PDE11A: variants seen among roughly 807,000 people sequenced by gnomAD.
PDE11A encodes the protein phosphodiesterase 11A, also known as dual 3',5'-cyclic-AMP and -GMP phosphodiesterase 11A.
PDE11A carries 100 observed loss-of-function variants against 100.5 expected under a neutral mutation model. That is an observed-to-expected ratio of 1.00 (90% CI 0.85 to 1.18). The LOEUF (loss-of-function observed/expected upper bound fraction) is 1.18, where lower values mean the gene tolerates loss of function less well. PDE11A is among the 50% of genes most tolerant of loss of function. The pLI is 0.00. For synonymous variants in PDE11A, 381 were observed against 420.8 expected, an observed-to-expected ratio of 0.91 and a Z score of 1.16; for missense variants, 1,141 against 1,152.6, an observed-to-expected ratio of 0.99 and a Z score of 0.15.
intron 6 of PDE11A, among the ~76,000 whole-genome samples, chr2:177,827,181 A>C (rs1312547535): frequency 1.3e-5 from 2 of 152,248 alleles, no homozygotes; most frequent in Non-Finnish European, 2.9e-5. Context: ...AGGATAAGTA[A>C]TATTGAGTTG....
At chr2:178,067,160 G>C (rs1177395137) in intron 1 of PDE11A, among the ~76,000 whole-genome samples, 1 of 152,060 alleles carries the variant, frequency 6.6e-6, no homozygotes, top group Non-Finnish European at 1.5e-5. Context: ...GTTCATGCTT[G>C]AGTTTAATTG....
At chr2:178,003,534 C>T (rs1052090610) in intron 2 of PDE11A, among the ~76,000 whole-genome samples, 1 of 151,964 alleles carries the variant, frequency 6.6e-6, no homozygotes, top group African/African-American at 2.4e-5. Context: ...GACTGGTAGA[C>T]TAGAAGGTAC....
intron 5 of PDE11A, among the ~76,000 whole-genome samples, chr2:177,848,801 C>T (rs2083647154): frequency 6.6e-6 from 1 of 151,720 alleles, no homozygotes. Flanking sequence ...AAATAAAATA[C>T]CCCAGAACAA....
At chr2:177,840,429 G>A (rs1292679453) in intron 5 of PDE11A, 46 bp from the exon 6 acceptor site, 2 of 1,590,952 alleles carry the variant, frequency 1.3e-6, no homozygotes, top group Non-Finnish European at 1.7e-6. Flanking sequence ...AGAAACGTAA[G>A]TTTTCTTGAA....
At chr2:177,961,218 T>C (rs2085628118) in intron 2 of PDE11A, among the ~76,000 whole-genome samples, 1 of 151,990 alleles carries the variant, frequency 6.6e-6, no homozygotes, top group Non-Finnish European at 1.5e-5. Flanking sequence ...TACTCCAAAC[T>C]CTTTCTCTGT....
intron 4 of PDE11A, among the ~76,000 whole-genome samples, chr2:177,888,403 C>T (rs2084475148): frequency 6.6e-6 from 1 of 151,988 alleles, no homozygotes; most frequent in African/African-American, 2.4e-5. Flanking sequence ...AGTTCTAAGA[C>T]AATTGGTTAT....
chr2:177,735,428 G>T (rs1269901996), intron 10 of PDE11A, among the ~76,000 whole-genome samples: 1 of 151,664 alleles, frequency 6.6e-6, no homozygotes, highest in Admixed American at 6.6e-5. Context: ...AAAACCAGAA[G>T]CATAAAGTTC....
At position 177,724,834 on chromosome 2, in the gene PDE11A, T is replaced by C. The variant is rs550428953; in HGVS notation, c.2043+2824A>G. ...TTTTCCCCCTTTTCTGGAAACCAGC[T>C]GAGAAACTTTGCCTTGGAGCGCCAT... is the stretch of plus-strand genomic sequence containing the variant. On this transcript the variant is annotated intron_variant, in intron 12 of 19. Coordinates refer to ENST00000286063, the MANE Select transcript of PDE11A (RefSeq NM_016953.4). Among the ~76,000 whole-genome samples, 19 of 152,214 alleles carry C rather than the reference T, an allele frequency of 1.2e-4. 1 individual carries two copies. In the East Asian group the frequency reaches 3.7e-3, roughly 29 times the overall value.
intron 1 of PDE11A, among the ~76,000 whole-genome samples, chr2:178,051,049 T>A (rs951225034): frequency 5.5e-5 from 8 of 144,562 alleles, no homozygotes; most frequent in Admixed American, 2.9e-4. Context: ...CCAAGACACA[T>A]AATTAACAGA....
intron 1 of PDE11A, among the ~76,000 whole-genome samples, chr2:178,035,397 CA>C (rs1163051579): frequency 6.6e-6 from 1 of 151,968 alleles, no homozygotes; most frequent in South Asian, 2.1e-4. Flanking sequence ...GCCTACCAAC[CA>C]AAAAAAGCCC....
chr2:178,101,712 G>A (rs976150314), intron 2 of PDE11A, among the ~76,000 whole-genome samples: 2 of 151,998 alleles, frequency 1.3e-5, no homozygotes, highest in African/African-American at 4.8e-5. Flanking sequence ...AACATACTCC[G>A]GTCACTCTAG....
At chr2:178,030,192 A>G (rs1207116904) in intron 1 of PDE11A, among the ~76,000 whole-genome samples, 1 of 152,224 alleles carries the variant, frequency 6.6e-6, no homozygotes, top group East Asian at 1.9e-4. Flanking sequence ...TATATTTTAA[A>G]AAATCAGGAA....
chr2:177,915,379 C>A (rs2084938000), intron 2 of PDE11A, among the ~76,000 whole-genome samples: 1 of 152,196 alleles, frequency 6.6e-6, no homozygotes, highest in Non-Finnish European at 1.5e-5. Context: ...CTCTGGCAAC[C>A]ACTGATCTTT....
chr2:177,941,354 CA>C (rs1464185614), intron 2 of PDE11A, among the ~76,000 whole-genome samples: 1 of 152,102 alleles, frequency 6.6e-6, no homozygotes, highest in Non-Finnish European at 1.5e-5. Context: ...CCTCAATCCC[CA>C]AACCCTAACC....
At chr2:178,013,313 A>G (rs1309670721) in intron 2 of PDE11A, among the ~76,000 whole-genome samples, 1 of 152,198 alleles carries the variant, frequency 6.6e-6, no homozygotes, top group Admixed American at 6.5e-5. Flanking sequence ...TCATTGTAAG[A>G]AATCTTTTGA....
At chr2:177,738,415 G>A (rs1574094285) in intron 10 of PDE11A, among the ~76,000 whole-genome samples, 1 of 152,160 alleles carries the variant, frequency 6.6e-6, no homozygotes, top group South Asian at 2.1e-4. Context: ...GCTCTTGGGG[G>A]AGACAAGAGG....
rs183018014 is a variant in PDE11A at position 177,881,604 on chromosome 2, A to G, written c.1303-5681T>C. The stretch of plus-strand genomic sequence containing the variant: ...GCAAGATGAACAGTTGAGAAGTAAC[A>G]TAATTCTGGAGATGTAAATTCATCT... On this transcript the variant is annotated intron_variant, in intron 4 of 19. Coordinates refer to ENST00000286063, the MANE Select transcript of PDE11A (RefSeq NM_016953.4). Among the ~76,000 whole-genome samples the G allele has an allele frequency of 3.2e-3, 487 of 152,376 alleles. 2 individuals carry two copies. The highest frequency in any genetic ancestry group is 6.8e-3 in the Middle Eastern group (2 of 294).
intron 19 of PDE11A, among the ~76,000 whole-genome samples, chr2:177,630,240 G>T (rs904140272): frequency 6.6e-6 from 1 of 152,126 alleles, no homozygotes; most frequent in Non-Finnish European, 1.5e-5. Flanking sequence ...GCTGATGAAA[G>T]TCAGGCTTCA....
chr2:177,860,393 A>C (rs1474052272), intron 5 of PDE11A, among the ~76,000 whole-genome samples: 1 of 151,868 alleles, frequency 6.6e-6, no homozygotes, highest in East Asian at 1.9e-4. Flanking sequence ...GTATCAAAAC[A>C]ACTCAAGGAG....
Sources: gnomAD v4.1 joint callset for allele counts (sites outside exome capture counted in the v4.1 genomes callset) on GRCh38, gnomAD v4.1.1 for gene constraint, MANE v1.5 for transcripts, NCBI Gene and HGNC (gene_info 2026-07-23, HGNC 2026-07-21) for gene names.